RORA: variants seen among roughly 807,000 people sequenced by gnomAD.
RORA encodes RAR related orphan receptor A.
A neutral mutation model predicts 69.5 loss-of-function variants in RORA; 7 were observed. The ratio of observed to expected loss-of-function variants is 0.10; its 90% CI spans 0.06 to 0.19. The LOEUF (loss-of-function observed/expected upper bound fraction) is 0.19, where lower values mean the gene tolerates loss of function less well. RORA is among the 10% of genes least tolerant of loss of function. The pLI is 1.00. For synonymous variants in RORA, 261 were observed against 240.8 expected, an observed-to-expected ratio of 1.08 and a Z score of -0.78; for missense variants, 457 against 663.0, an observed-to-expected ratio of 0.69 and a Z score of 3.41.
intron 1 of RORA, among the ~76,000 whole-genome samples, chr15:61,081,308 T>C (rs2078536071): frequency 6.6e-6 from 1 of 152,246 alleles, no homozygotes; most frequent in South Asian, 2.1e-4. Flanking sequence ...AAAATAAGAG[T>C]ACTCTTAACC....
intron 1 of RORA, among the ~76,000 whole-genome samples, chr15:61,086,687 GTTT>G (rs970128724): frequency 6.9e-6 from 1 of 145,298 alleles, no homozygotes; most frequent in South Asian, 2.2e-4. Flanking sequence ...TTCTAAAAAA[GTTT>G]TTTTTTTTTC....
intron 1 of RORA, among the ~76,000 whole-genome samples, chr15:61,112,147 G>C (rs1427997177): frequency 6.6e-6 from 1 of 152,202 alleles, no homozygotes; most frequent in African/African-American, 2.4e-5. Flanking sequence ...CAGAAACTGA[G>C]AGTAAGCCTT....
rs2066712127 is a variant in RORA, at chr15:60,537,357, G to A, written c.197-5506C>T. The stretch of plus-strand genomic sequence containing the variant: ...CTGTGAGCCTTGCTGCAGAGTGACT[G>A]CAACAGCCTGGAGAGAGGAAACCTT... On this transcript the variant is annotated intron_variant, in intron 2 of 10. Transcript: ENST00000335670. This position sits in a 1 kb window ranked among gnomAD's most constrained non-coding sequence, Gnocchi z 4.9. 1.3e-5 allele frequency among the ~76,000 whole-genome samples: 2 copies of A among 152,186 alleles called. No individual in the cohort carries two copies. The highest frequency in any genetic ancestry group is 6.5e-5 in the Admixed American group (1 of 15,278).
intron 2 of RORA, among the ~76,000 whole-genome samples, chr15:60,652,009 C>G (rs559347085): frequency 6.6e-6 from 1 of 152,242 alleles, no homozygotes; most frequent in East Asian, 1.9e-4. Flanking sequence ...GTCCTTTTAC[C>G]TTGTTCCATC....
intron 1 of RORA, among the ~76,000 whole-genome samples, chr15:60,765,994 G>C (rs1001953221): frequency 5.9e-5 from 9 of 152,106 alleles, no homozygotes; most frequent in African/African-American, 2.2e-4. Flanking sequence ...TTAAAAGAAG[G>C]AATTCGCCTG....
At chr15:61,121,147 G>C (rs1025659771) in intron 1 of RORA, among the ~76,000 whole-genome samples, 1 of 152,144 alleles carries the variant, frequency 6.6e-6, no homozygotes, top group African/African-American at 2.4e-5. Flanking sequence ...ACCATGCCCA[G>C]CCAATTAAGC....
At chr15:60,737,083 G>C (rs1347665847) in intron 1 of RORA, among the ~76,000 whole-genome samples, 1 of 152,096 alleles carries the variant, frequency 6.6e-6, no homozygotes, top group Non-Finnish European at 1.5e-5. Flanking sequence ...CTTTATCCTG[G>C]ACCATTCTGC....
At chr15:60,910,447 T>C (rs1384832285) in intron 1 of RORA, among the ~76,000 whole-genome samples, 1 of 152,248 alleles carries the variant, frequency 6.6e-6, no homozygotes, top group Non-Finnish European at 1.5e-5. Context: ...CAGAAAATTA[T>C]TTGGAAGATC....
Position 60,905,559 on chromosome 15 carries a change from T to TG in RORA, c.167-226874dup, listed in dbSNP as rs764913360. Among the ~76,000 whole-genome samples the TG allele has an allele frequency of 5.9e-5, 9 of 152,298 alleles. No homozygotes were observed. The highest frequency in any genetic ancestry group is 9.6e-5 in the African/African-American group (4 of 41,562). ...TCATAGAAAGCAGTTGCTAAACAGATGAAAGTAGGTCTGAGGCAAGGGGTA... is the reference window on the plus strand; with the variant it reads ...TCATAGAAAGCAGTTGCTAAACAGATGGAAAGTAGGTCTGAGGCAAGGGGTA... On this transcript the variant is annotated intron_variant, in intron 1 of 10. Transcript: ENST00000335670. This position sits in a 1 kb window ranked among gnomAD's most constrained non-coding sequence, Gnocchi z 4.8.
intron 1 of RORA, among the ~76,000 whole-genome samples, chr15:60,805,495 C>A (rs771811462): frequency 1.5e-4 from 23 of 152,166 alleles, no homozygotes; most frequent in Admixed American, 2.6e-4. Context: ...GGATGTGCAA[C>A]CTTGGGAAAC....
intron 1 of RORA, among the ~76,000 whole-genome samples, chr15:61,102,260 C>G (rs2078891061): frequency 6.6e-6 from 1 of 152,128 alleles, no homozygotes; most frequent in Admixed American, 6.5e-5. Context: ...CCCCTCAACC[C>G]GACTGACTTG....
At chr15:61,011,151 C>T (rs970678128) in intron 1 of RORA, among the ~76,000 whole-genome samples, 2 of 152,182 alleles carry the variant, frequency 1.3e-5, no homozygotes, top group Non-Finnish European at 2.9e-5. Flanking sequence ...TTCAACTGCA[C>T]ACACTTCTGG....
At chr15:60,579,064 GTTT>G (rs869076097) in intron 2 of RORA, among the ~76,000 whole-genome samples, 17 of 129,644 alleles carry the variant, frequency 1.3e-4, no homozygotes, top group South Asian at 2.5e-4. Flanking sequence ...ACCGCGCCCG[GTTT>G]TTTTTTTTTT....
chr15:60,912,460 A>G (rs1164357386), intron 1 of RORA, among the ~76,000 whole-genome samples: 1 of 151,890 alleles, frequency 6.6e-6, no homozygotes, highest in African/African-American at 2.4e-5. Context: ...AAAAAACAAA[A>G]AAATCACCAC....
intron 2 of RORA, among the ~76,000 whole-genome samples, chr15:60,580,995 T>G (rs2068175747): frequency 6.6e-6 from 1 of 152,240 alleles, no homozygotes. Flanking sequence ...GGGAGGGCTG[T>G]GCTCAAATAT....
rs1449919133 is a variant in RORA, at chr15:60,496,775, T to A, written c.*680A>T. 1 of 152,166 alleles carries A rather than the reference T, an allele frequency of 6.6e-6. No individual in the cohort carries two copies. The highest frequency in any genetic ancestry group is 2.4e-5 in the African/African-American group (1 of 41,424). The allele number at this position is 152,166 out of a possible 1,614,324, so 9.4% of individuals were successfully genotyped here. ...ACAGTGAACACGCTAGCATTTAATT[T>A]AAAGAAAAAGGTGCAAAATGAAAGT... On this transcript the variant is annotated 3_prime_UTR_variant, in exon 11 of 11. Transcript: ENST00000335670. This position sits in a 1 kb window ranked among gnomAD's most constrained non-coding sequence, Gnocchi z 4.5.
intron 1 of RORA, among the ~76,000 whole-genome samples, chr15:60,961,381 C>A (rs1328519143): frequency 1.3e-5 from 2 of 152,174 alleles, no homozygotes; most frequent in East Asian, 1.9e-4. Context: ...CAGCCTCAAT[C>A]TTCCCACCTG....
chr15:60,999,238 T>C (rs1894668835), intron 1 of RORA, among the ~76,000 whole-genome samples: 1 of 152,166 alleles, frequency 6.6e-6, no homozygotes, highest in South Asian at 2.1e-4. Flanking sequence ...CATCGTTTGA[T>C]AGAAAGATTC....
At chr15:60,971,307 C>T (rs1479232344) in intron 1 of RORA, among the ~76,000 whole-genome samples, 3 of 152,122 alleles carry the variant, frequency 2.0e-5, no homozygotes, top group Non-Finnish European at 2.9e-5. Flanking sequence ...TGAGTATGTT[C>T]CCTCCTAGAC....
Sources: gnomAD v4.1 joint callset for allele counts (sites outside exome capture counted in the v4.1 genomes callset) on GRCh38, gnomAD v4.1.1 for gene constraint, Gnocchi (gnomAD v3.1) non-coding constraint, MANE v1.5 for transcripts, NCBI Gene and HGNC (gene_info 2026-07-23, HGNC 2026-07-21) for gene names.